Variants in C2CD3 observed in about 807,000 individuals in gnomAD.
The protein encoded by C2CD3 is C2 domain-containing protein 3.
A neutral mutation model predicts 234.0 loss-of-function variants in C2CD3; 148 were observed. The observed-to-expected ratio is 0.63, with a 90% confidence interval of 0.55 to 0.72. The LOEUF (loss-of-function observed/expected upper bound fraction) is 0.72. Ranked by LOEUF, C2CD3 falls within the 30% of genes least tolerant of loss-of-function variation. The probability of loss-of-function intolerance (pLI) is 0.00; values close to 1 mark genes in which losing one functional copy is unlikely to be tolerated. For missense variants in C2CD3, 2,577 were observed against 2,811.5 expected, an observed-to-expected ratio of 0.92 and a Z score of 1.89; for synonymous variants, 1,000 against 1,035.4, an observed-to-expected ratio of 0.97 and a Z score of 0.66.
chr11:74,024,065 C>A (rs534953234), intron 32 of C2CD3, among the ~76,000 whole-genome samples: 4 of 152,316 alleles, frequency 2.6e-5, no homozygotes, highest in African/African-American at 7.2e-5. Context: ...CTATCCCATT[C>A]CCCTGCTTCT....
intron 22 of C2CD3, among the ~76,000 whole-genome samples, chr11:74,079,798 A>G (rs543373273): frequency 3.3e-5 from 5 of 151,948 alleles, no homozygotes; most frequent in Non-Finnish European, 7.4e-5. Context: ...CTTATCTGAA[A>G]CCTTTAAGGC....
At chr11:74,132,159 T>G (rs1178227886) in intron 7 of C2CD3, among the ~76,000 whole-genome samples, 1 of 152,186 alleles carries the variant, frequency 6.6e-6, no homozygotes, top group East Asian at 1.9e-4. Context: ...GAGACCAGCC[T>G]GGACAACAAG....
intron 20 of C2CD3, among the ~76,000 whole-genome samples, chr11:74,087,026 G>A (rs975489756): frequency 5.9e-5 from 9 of 152,196 alleles, no homozygotes; most frequent in South Asian, 4.1e-4. Context: ...TCACTAAGAT[G>A]AGGTTAACAT....
intron 24 of C2CD3, among the ~76,000 whole-genome samples, chr11:74,073,115 T>C (rs778525396): frequency 7.4e-6 from 1 of 135,430 alleles, no homozygotes; most frequent in Non-Finnish European, 1.5e-5. Flanking sequence ...CCATGGACTC[T>C]GGCAATCTGG....
intron 7 of C2CD3, among the ~76,000 whole-genome samples, chr11:74,123,732 G>C (rs1957302823): frequency 7.0e-6 from 1 of 142,780 alleles, no homozygotes; most frequent in Non-Finnish European, 1.5e-5. Flanking sequence ...ATCCCACGCT[G>C]GTATCTTTTT....
intron 32 of C2CD3, among the ~76,000 whole-genome samples, chr11:74,018,657 C>G (rs1292300055): frequency 1.3e-5 from 2 of 152,144 alleles, no homozygotes; most frequent in Non-Finnish European, 2.9e-5. Context: ...TGGGGTGGCT[C>G]TCAGAGTCTG....
chr11:74,080,380 G>T (rs2135468291), intron 22 of C2CD3, among the ~76,000 whole-genome samples: 1 of 152,226 alleles, frequency 6.6e-6, no homozygotes, highest in South Asian at 2.1e-4. Context: ...TAGTCTAAGA[G>T]CCTAGGGCTT....
At chr11:74,024,526 G>A (rs1952214128) in intron 32 of C2CD3, among the ~76,000 whole-genome samples, 1 of 152,192 alleles carries the variant, frequency 6.6e-6, no homozygotes, top group Non-Finnish European at 1.5e-5. Flanking sequence ...TCTTCAAAGT[G>A]AGGCCTTTTT....
At position 74,133,496 on chromosome 11, in the gene C2CD3, G is replaced by A. The variant is rs756130444; in HGVS notation, c.1017C>T (p.Ser339=). 1 of 1,613,582 alleles carries A rather than the reference G, an allele frequency of 6.2e-7. No homozygotes were observed. Among genetic ancestry groups the A allele is most frequent in the South Asian group, 1.1e-5 (1 of 91,062 alleles). The stretch of plus-strand genomic sequence containing the variant: ...GGTCCAACAACATGCTGGTCTCTGG[G>A]CTTGATTTCATTGCAGAAATCACCA... ...NAMVISAMKS[S]PETSMLLDQV... is the part of the protein sequence containing the mutation. The change falls in exon 6 of 33, where the codon AGC becomes AGT. Residue 339 remains serine (S), a synonymous_variant. Transcript: ENST00000334126.
chr11:74,165,815 CAGCTAATTAA>C (rs1025458037), intron 2 of C2CD3, among the ~76,000 whole-genome samples: 1 of 152,034 alleles, frequency 6.6e-6, no homozygotes, highest in African/African-American at 2.4e-5. Context: ...CCACCATGCC[CAGCTAATTAA>C]AAAAATTTTT....
At chr11:74,034,606 T>C in intron 30 of C2CD3, 1 of 1,611,938 alleles carries the variant, frequency 6.2e-7, no homozygotes, top group Non-Finnish European at 8.5e-7. Context: ...CTTCAGTAAC[T>C]ACCTATATTA....
At chr11:74,089,647 G>C (rs1955800294) in intron 20 of C2CD3, among the ~76,000 whole-genome samples, 1 of 152,194 alleles carries the variant, frequency 6.6e-6, no homozygotes, top group African/African-American at 2.4e-5. Flanking sequence ...GCAGGAGCCT[G>C]ATCTAGTTCT....
At chr11:74,134,277 A>T (rs966239262) in intron 5 of C2CD3, among the ~76,000 whole-genome samples, 1 of 152,224 alleles carries the variant, frequency 6.6e-6, no homozygotes, top group African/African-American at 2.4e-5. Context: ...ATGATTCCAC[A>T]TCCTATGCTT....
chr11:74,050,966 A>C (rs935160459), intron 26 of C2CD3, among the ~76,000 whole-genome samples: 1 of 151,398 alleles, frequency 6.6e-6, no homozygotes, highest in African/African-American at 2.5e-5. Context: ...AGTCACACAC[A>C]TATAATGAGA....
chr11:74,094,335 T>C (rs1280686140), intron 17 of C2CD3, among the ~76,000 whole-genome samples: 1 of 152,190 alleles, frequency 6.6e-6, no homozygotes, highest in East Asian at 1.9e-4. Flanking sequence ...TGTATATCTT[T>C]GGAGAAATGT....
intron 23 of C2CD3, among the ~76,000 whole-genome samples, chr11:74,077,832 T>C (rs1955136629): frequency 5.4e-5 from 1 of 18,656 alleles, no homozygotes; most frequent in Non-Finnish European, 8.3e-5. Context: ...TATATATATA[T>C]ATATATATAT....
chr11:74,160,898 G>C (rs1259807621), intron 3 of C2CD3, among the ~76,000 whole-genome samples: 2 of 152,050 alleles, frequency 1.3e-5, no homozygotes. Context: ...AATTTACAAA[G>C]TAAGCTGAAT....
rs1222634158 is a variant in C2CD3 at position 74,028,368 on chromosome 11, AAAG to A, written c.6837_6839del (p.Phe2280del). On this transcript the variant is annotated inframe_deletion, in exon 32 of 33. Transcript: ENST00000334126. ...AAGCCTCCAACTGCTGGGGAGGCAAAAAGAAGTTGGGCACCACAATGGGCCCTG... is the reference window on the plus strand; with the variant it reads ...AAGCCTCCAACTGCTGGGGAGGCAAAAAGTTGGGCACCACAATGGGCCCTG... The A allele has an allele frequency of 6.5e-7, 1 of 1,535,890 alleles. No homozygotes were observed. Among genetic ancestry groups the A allele is most frequent in the Non-Finnish European group, 8.7e-7 (1 of 1,146,846 alleles).
At chr11:74,078,785 TC>T in intron 22 of C2CD3, 68 bp from the exon 23 acceptor site, 1 of 1,406,950 alleles carries the variant, frequency 7.1e-7, no homozygotes, top group Non-Finnish European at 9.5e-7. Flanking sequence ...TTACTTACTC[TC>T]CACCCCATAG....
Sources: gnomAD v4.1 joint callset for allele counts (sites outside exome capture counted in the v4.1 genomes callset) on GRCh38, gnomAD v4.1.1 for gene constraint, MANE v1.5 for transcripts, NCBI Gene and HGNC (gene_info 2026-07-23, HGNC 2026-07-21) for gene names.